PACRG: variants seen among roughly 807,000 people sequenced by gnomAD.
PACRG encodes the protein parkin coregulated, also known as parkin coregulated gene protein.
PACRG carries 29 observed loss-of-function variants against 29.7 expected under a neutral mutation model. That is an observed-to-expected ratio of 0.98 (90% confidence interval 0.73 to 1.33). The LOEUF (loss-of-function observed/expected upper bound fraction) is 1.33, where lower values mean the gene tolerates loss of function less well. PACRG is among the 40% of genes most tolerant of loss of function. PACRG has a pLI of 0.00. For synonymous variants in PACRG, 116 were observed against 118.7 expected, an observed-to-expected ratio of 0.98 and a Z score of 0.15; for missense variants, 279 against 316.2, an observed-to-expected ratio of 0.88 and a Z score of 0.89.
At chr6:162,984,174 C>T (rs943045059) in intron 2 of PACRG, among the ~76,000 whole-genome samples, 1 of 151,890 alleles carries the variant, frequency 6.6e-6, no homozygotes, top group Non-Finnish European at 1.5e-5. Context: ...CTTCACCACC[C>T]CCACCATTTC....
In PACRG at chr6:163,061,570, C is replaced by A. The variant is rs577052553; in HGVS notation, c.292-580C>A. 8.5e-5 allele frequency among the ~76,000 whole-genome samples: 13 copies of A among 152,246 alleles called. No homozygotes were observed. In the East Asian group the frequency reaches 1.7e-3, roughly 20 times the overall value. ...TCAGTGGTCCCAGGTTCAGCCCACTCTTTGTCCTCTCCATTTCTTCTTGAT... is the reference window on the plus strand; with the variant it reads ...TCAGTGGTCCCAGGTTCAGCCCACTATTTGTCCTCTCCATTTCTTCTTGAT... On this transcript the variant is annotated intron_variant, in intron 2 of 4. Coordinates refer to ENST00000366888, the MANE Select transcript of PACRG (RefSeq NM_001080379.2).
intron 2 of PACRG, among the ~76,000 whole-genome samples, chr6:162,971,745 A>C (rs1223797634): frequency 6.6e-6 from 1 of 152,190 alleles, no homozygotes; most frequent in African/African-American, 2.4e-5. Context: ...TTTCCTAACA[A>C]ATACCCCTAG....
intron 1 of PACRG, among the ~76,000 whole-genome samples, chr6:162,778,664 AT>A (rs1226504118): frequency 6.6e-6 from 1 of 152,210 alleles, no homozygotes; most frequent in Non-Finnish European, 1.5e-5. Context: ...ATTCAAATGC[AT>A]TAACTTTCCC....
chr6:162,987,786 G>A (rs1378820980), intron 2 of PACRG, among the ~76,000 whole-genome samples: 2 of 152,220 alleles, frequency 1.3e-5, no homozygotes, highest in East Asian at 1.9e-4. Context: ...GATAGACTCT[G>A]TGAGAGTCCT....
intron 2 of PACRG, among the ~76,000 whole-genome samples, chr6:162,958,735 C>CGTGT (rs139595345): frequency 0.049 from 7,028 of 144,730 alleles, 437 homozygotes; most frequent in African/African-American, 0.14. Flanking sequence ...TACACATATG[C>CGTGT]GTGTGTGTGT....
intron 4 of PACRG, among the ~76,000 whole-genome samples, chr6:163,249,077 A>G (rs1782805817): frequency 6.6e-6 from 1 of 152,086 alleles, no homozygotes; most frequent in Admixed American, 6.5e-5. Flanking sequence ...AATGAAACCA[A>G]TAGAAAGTCG....
rs185052694 is a variant in PACRG at position 163,190,852 on chromosome 6, C to T, written c.613+101444C>T. The T allele has an allele frequency of 4.7e-3, 1,932 of 414,054 alleles. 38 individuals are homozygous for T. The highest frequency in any genetic ancestry group is 0.036 in the African/African-American group (1,770 of 48,786). 25.6% of individuals were successfully genotyped at this position (414,054 alleles called of 1,614,324 possible). On this transcript the variant is annotated intron_variant, in intron 4 of 4. Transcript: ENST00000366888. ...TCGTCTTCTTTCACTGATTACTTCC[C>T]TCGTGTTCTGTCTATTGCTGATGAT... is the stretch of plus-strand genomic sequence containing the variant.
intron 2 of PACRG, among the ~76,000 whole-genome samples, chr6:162,827,036 A>G (rs1439028781): frequency 6.6e-6 from 1 of 152,102 alleles, no homozygotes; most frequent in African/African-American, 2.4e-5. Context: ...ATCACTGTAG[A>G]CTTGTTATTA....
chr6:162,934,951 G>A (rs547105563), intron 2 of PACRG, among the ~76,000 whole-genome samples: 2 of 152,260 alleles, frequency 1.3e-5, no homozygotes, highest in African/African-American at 2.4e-5. Flanking sequence ...GCTTTGCTGG[G>A]TATAACATTC....
chr6:162,770,752 C>G (rs1311760524), intron 1 of PACRG, among the ~76,000 whole-genome samples: 1 of 152,070 alleles, frequency 6.6e-6, no homozygotes, highest in East Asian at 1.9e-4. Flanking sequence ...AGAAATCTGA[C>G]AAAATAAGCA....
intron 2 of PACRG, among the ~76,000 whole-genome samples, chr6:163,050,307 G>T (rs545258436): frequency 5.9e-5 from 9 of 152,090 alleles, no homozygotes; most frequent in African/African-American, 2.2e-4. Flanking sequence ...TAAGTCTAAA[G>T]GGTATCAATA....
intron 1 of PACRG, among the ~76,000 whole-genome samples, chr6:162,800,435 A>C (rs1279961500): frequency 6.6e-6 from 1 of 152,186 alleles, no homozygotes; most frequent in Non-Finnish European, 1.5e-5. Context: ...TTTTGAAATG[A>C]AATATTGCTT....
intron 2 of PACRG, among the ~76,000 whole-genome samples, chr6:162,968,351 T>C (rs1413686927): frequency 6.6e-6 from 1 of 152,258 alleles, no homozygotes; most frequent in Non-Finnish European, 1.5e-5. Flanking sequence ...GGGATTGTTA[T>C]ATAACTCCTT....
intron 4 of PACRG, among the ~76,000 whole-genome samples, chr6:163,105,900 G>C (rs1562919031): frequency 6.6e-6 from 1 of 152,106 alleles, no homozygotes; most frequent in African/African-American, 2.4e-5. Context: ...TGCTGGAGTA[G>C]AGATTTATAA....
intron 4 of PACRG, among the ~76,000 whole-genome samples, chr6:163,273,717 G>T (rs1783924700): frequency 6.6e-6 from 1 of 151,330 alleles, no homozygotes; most frequent in Non-Finnish European, 1.5e-5. Flanking sequence ...TTTTTTTCTT[G>T]ATTAAATTAG....
In PACRG at chr6:162,942,888, T is replaced by A. The variant is rs933841629; in HGVS notation, c.292-119262T>A. On this transcript the variant is annotated intron_variant, in intron 2 of 4. Transcript: ENST00000366888. ...AGTAGATAATCAAACTTTGAATAGA[T>A]TATCTAAGAAAGACACTGGAATTCA... 7.9e-5 allele frequency among the ~76,000 whole-genome samples: 12 copies of A among 152,118 alleles called. 1 individual carries two copies. Among genetic ancestry groups the A allele is most frequent in the Non-Finnish European group, 1.5e-4 (10 of 68,036 alleles).
chr6:162,897,385 C>T (rs909264107), intron 2 of PACRG, among the ~76,000 whole-genome samples: 4 of 152,168 alleles, frequency 2.6e-5, no homozygotes, highest in Non-Finnish European at 5.9e-5. Flanking sequence ...AAGCCTCAAG[C>T]CTGAGGAATT....
chr6:162,863,102 G>A (rs1010610711), intron 2 of PACRG, among the ~76,000 whole-genome samples: 4 of 152,202 alleles, frequency 2.6e-5, no homozygotes, highest in African/African-American at 9.6e-5. Context: ...TTCCACTCAA[G>A]GGCCCTGCAC....
intron 1 of PACRG, among the ~76,000 whole-genome samples, chr6:162,775,980 T>C (rs1783612362): frequency 6.6e-6 from 1 of 152,098 alleles, no homozygotes; most frequent in Admixed American, 6.5e-5. Flanking sequence ...TGATATAACT[T>C]GGGAAGCCCT....
Sources: allele counts gnomAD v4.1 joint callset (sites outside exome capture counted in the v4.1 genomes callset), GRCh38; gene constraint gnomAD v4.1.1; transcripts MANE v1.5; gene names NCBI Gene and HGNC (gene_info 2026-07-23, HGNC 2026-07-21).